The following MCPH1 variants were observed in gnomAD, a reference collection of about 807,000 sequenced individuals.
The protein encoded by MCPH1 is microcephalin.
Under a neutral mutation model 84.5 loss-of-function variants are expected in MCPH1, and 104 were observed. That is an observed-to-expected ratio of 1.23 (90% CI 1.05 to 1.45). The LOEUF is 1.45. Among genes scored for constraint, MCPH1 ranks in the 40% most tolerant of loss-of-function variants. The pLI is 0.00. For synonymous variants in MCPH1, 514 were observed against 366.8 expected (o/e 1.40, Z -4.58); for missense variants, 1,498 against 1,005.7 (o/e 1.49, Z -6.62).
rs1798073713 is a variant in MCPH1, at chr8:6,643,671, T to A, written c.*622T>A. On this transcript the variant is annotated 3_prime_UTR_variant, in exon 14 of 14. Coordinates refer to ENST00000344683, the MANE Select transcript of MCPH1 (RefSeq NM_024596.5). ...ACAACTAGAGAACTCTGCAAGTTTCTTGGCTTAGACTCGATCTTTATTAAT... is the reference window on the plus strand; with the variant it reads ...ACAACTAGAGAACTCTGCAAGTTTCATGGCTTAGACTCGATCTTTATTAAT... 6.4e-6 allele frequency: 1 copy of A among 155,472 alleles called. No homozygotes were observed. The highest frequency in any genetic ancestry group is 1.4e-5 in the Non-Finnish European group (1 of 70,008). 9.6% of individuals were successfully genotyped at this position (155,472 alleles called of 1,614,324 possible).
At chr8:6,534,895 C>G (rs1820217905) in intron 12 of MCPH1, among the ~76,000 whole-genome samples, 1 of 152,182 alleles carries the variant, frequency 6.6e-6, no homozygotes, top group Non-Finnish European at 1.5e-5. Flanking sequence ...TCGTAATTCT[C>G]CCCTCCGCTC....
intron 12 of MCPH1, among the ~76,000 whole-genome samples, chr8:6,615,198 C>T (rs1487133180): frequency 6.6e-6 from 1 of 152,230 alleles, no homozygotes; most frequent in African/African-American, 2.4e-5. Flanking sequence ...CTGAGGGGCT[C>T]CTGTGTGCTT....
intron 5 of MCPH1, among the ~76,000 whole-genome samples, chr8:6,436,930 A>G (rs1224196038): frequency 6.6e-6 from 1 of 152,048 alleles, no homozygotes; most frequent in Non-Finnish European, 1.5e-5. Context: ...AGACTGCACC[A>G]CTGCACTCCA....
chr8:6,517,660 A>C (rs577153099), intron 12 of MCPH1, among the ~76,000 whole-genome samples: 25 of 152,212 alleles, frequency 1.6e-4, no homozygotes, highest in Non-Finnish European at 3.1e-4. Context: ...TACTGTCCCA[A>C]GTTCTACCCC....
At position 6,441,922 on chromosome 8, in the gene MCPH1, C is replaced by T. The variant is rs558341419; in HGVS notation, c.581-145C>T. On this transcript the variant is annotated intron_variant, in intron 6 of 13. Transcript: ENST00000344683. ...TGTTGAGCTTCTGATTAGATTCAGGCAAGTTGACTTTAAGATCCCTTCTAA... is the reference window on the plus strand; with the variant it reads ...TGTTGAGCTTCTGATTAGATTCAGGTAAGTTGACTTTAAGATCCCTTCTAA... 1.6e-4 allele frequency: 103 copies of T among 651,710 alleles called. No individual in the cohort carries two copies. In the African/African-American group the frequency reaches 1.6e-3, roughly 10 times the overall value. The allele number at this position is 651,710 out of a possible 1,614,324, so 40.4% of individuals were successfully genotyped here.
At chr8:6,456,397 G>A (rs1805682887) in intron 9 of MCPH1, among the ~76,000 whole-genome samples, 1 of 152,200 alleles carries the variant, frequency 6.6e-6, no homozygotes, top group African/African-American at 2.4e-5. Context: ...GGCTGAGTTT[G>A]TGTTTTGCGT....
At chr8:6,628,127 A>C (rs1476782423) in intron 13 of MCPH1, among the ~76,000 whole-genome samples, 1 of 152,122 alleles carries the variant, frequency 6.6e-6, no homozygotes, top group Admixed American at 6.6e-5. Context: ...ACTTATGCCA[A>C]CAGAACTAAA....
rs115682505 is a variant in MCPH1, at chr8:6,504,965, C to T, written c.2214+5036C>T. 1.5e-3 allele frequency among the ~76,000 whole-genome samples: 234 copies of T among 151,750 alleles called. 1 individual carries two copies. Among genetic ancestry groups the T allele is most frequent in the African/African-American group, 5.6e-3 (233 of 41,394 alleles). On this transcript the variant is annotated intron_variant, in intron 12 of 13. Transcript: ENST00000344683. ...TTAAACTGAATAAATCTCAACAACACTGTGTTGGAGGAACACATACAGTAT... is the reference window on the plus strand; with the variant it reads ...TTAAACTGAATAAATCTCAACAACATTGTGTTGGAGGAACACATACAGTAT...
At chr8:6,568,239 ACCCATCGCTAGCTGAATGTGGAATG>A (rs1826366546) in intron 12 of MCPH1, among the ~76,000 whole-genome samples, 2 of 118,518 alleles carry the variant, frequency 1.7e-5, no homozygotes, top group African/African-American at 8.8e-5. Flanking sequence ...TGGCGCGTGG[ACCCATCGCTAGCTGAATGTGGAATG>A]TGGACCCATC....
intron 2 of MCPH1, among the ~76,000 whole-genome samples, chr8:6,412,634 C>T (rs1263206473): frequency 6.6e-6 from 1 of 152,130 alleles, no homozygotes; most frequent in Admixed American, 6.5e-5. Flanking sequence ...ACCAGACCCC[C>T]TTGTCTCTTT....
chr8:6,518,414 C>A (rs915103843), intron 12 of MCPH1, among the ~76,000 whole-genome samples: 2 of 152,258 alleles, frequency 1.3e-5, no homozygotes, highest in South Asian at 4.2e-4. Flanking sequence ...CCCTTCCTTC[C>A]CTGTTGTATG....
At chr8:6,548,517 AGT>A (rs1364176661) in intron 12 of MCPH1, among the ~76,000 whole-genome samples, 1 of 152,278 alleles carries the variant, frequency 6.6e-6, no homozygotes, top group Non-Finnish European at 1.5e-5. Context: ...CTTGCATTTC[AGT>A]GGTCCCAGCA....
chr8:6,420,722 G>A (rs536734359), intron 3 of MCPH1, among the ~76,000 whole-genome samples: 1 of 152,254 alleles, frequency 6.6e-6, no homozygotes, highest in Admixed American at 6.5e-5. Flanking sequence ...GCAGCCTCAT[G>A]CCTGTCTGTT....
At chr8:6,413,544 T>C (rs1798828553) in intron 2 of MCPH1, among the ~76,000 whole-genome samples, 1 of 151,972 alleles carries the variant, frequency 6.6e-6, no homozygotes, top group African/African-American at 2.4e-5. Context: ...TTGGATCTCC[T>C]GGTCTGAGCT....
chr8:6,413,311 T>C (rs1392719097), intron 2 of MCPH1, among the ~76,000 whole-genome samples: 1 of 152,014 alleles, frequency 6.6e-6, no homozygotes, highest in East Asian at 1.9e-4. Context: ...TTCACCTTGA[T>C]TACCCACTCT....
intron 12 of MCPH1, chr8:6,509,098 G>C: frequency 6.2e-7 from 1 of 1,602,470 alleles, no homozygotes; most frequent in Non-Finnish European, 8.5e-7. Context: ...ACATTGGCTA[G>C]GGTCATTGAT....
chr8:6,420,813 G>T (rs912826883), intron 3 of MCPH1, among the ~76,000 whole-genome samples: 1 of 152,158 alleles, frequency 6.6e-6, no homozygotes, highest in African/African-American at 2.4e-5. Context: ...CAGCAAACAC[G>T]TATGGGTTTG....
chr8:6,492,774 C>G (rs1236508618), intron 11 of MCPH1, among the ~76,000 whole-genome samples: 2 of 149,240 alleles, frequency 1.3e-5, no homozygotes, highest in Non-Finnish European at 3.0e-5. Context: ...AATTAATAAT[C>G]TTTCATTATT....
At chr8:6,541,480 G>A (rs1253057256) in intron 12 of MCPH1, among the ~76,000 whole-genome samples, 2 of 152,190 alleles carry the variant, frequency 1.3e-5, no homozygotes, top group African/African-American at 4.8e-5. Context: ...CAGGCCTGGA[G>A]ACAGGAAACC....
Sources: allele counts gnomAD v4.1 joint callset (sites outside exome capture counted in the v4.1 genomes callset), GRCh38; gene constraint gnomAD v4.1.1; transcripts MANE v1.5; gene names NCBI Gene and HGNC (gene_info 2026-07-23, HGNC 2026-07-21).